SPATA21: variants seen among roughly 807,000 people sequenced by gnomAD.
The protein encoded by SPATA21 is spermatogenesis associated 21, also known as spermatogenesis-associated protein 21.
In SPATA21, 47 loss-of-function variants were observed where a neutral mutation model predicts 54.8. That is an observed-to-expected ratio of 0.86 (90% CI 0.68 to 1.09). SPATA21 has a LOEUF of 1.09. SPATA21 is among the 50% of genes least tolerant of loss of function. SPATA21 has a pLI of 0.00. For synonymous variants in SPATA21, 245 were observed against 235.3 expected (o/e 1.04, Z -0.38); for missense variants, 599 against 596.4 (o/e 1.00, Z -0.05).
At chr1:16,430,315 T>C (rs532687743) in intron 3 of SPATA21, among the ~76,000 whole-genome samples, 1 of 150,362 alleles carries the variant, frequency 6.7e-6, no homozygotes, top group African/African-American at 2.4e-5. Context: ...CGCCTATAGT[T>C]CCAGCTACTC....
chr1:16,421,245 GGATGAACCCAAGGGCTCCA>G lies in SPATA21; in HGVS notation c.144+245_144+263del, dbSNP rs1383924661. ...CTGATGTGGAACAAGCCACCACCTGGGATGAACCCAAGGGCTCCAGAGTGTAAGAGCATTCTTGATGCCC... is the reference window on the plus strand; with the variant it reads ...CTGATGTGGAACAAGCCACCACCTGGGAGTGTAAGAGCATTCTTGATGCCC... On this transcript the variant is annotated intron_variant, in intron 5 of 12. Transcript: ENST00000335496. The surrounding 1 kb of genome is among the most constrained non-coding windows in gnomAD (Gnocchi z 5.2). 1.3e-5 allele frequency among the ~76,000 whole-genome samples: 2 copies of G among 152,010 alleles called. No individual in the cohort carries two copies. Among genetic ancestry groups the G allele is most frequent in the Non-Finnish European group, 2.9e-5 (2 of 67,996 alleles).
intron 5 of SPATA21, among the ~76,000 whole-genome samples, chr1:16,416,768 CCT>C (rs1381360940): frequency 1.3e-5 from 2 of 152,084 alleles, no homozygotes; most frequent in Admixed American, 6.6e-5. Context: ...GTTCCACTCC[CCT>C]GAGCCCCAGA....
chr1:16,409,586 A>G lies in SPATA21; in HGVS notation c.587+15T>C. On this transcript the variant is annotated intron_variant, in intron 6 of 12. Coordinates refer to ENST00000335496, the MANE Select transcript of SPATA21 (RefSeq NM_198546.1). The surrounding 1 kb of genome is among the most constrained non-coding windows in gnomAD (Gnocchi z 4.1). ...GCCTTTCAGGAGCGGGCGGGTGAGC[A>G]GCGGGGGCTCCTACCGCGCCTTGGC... 1 of 1,603,816 alleles carries G rather than the reference A, an allele frequency of 6.2e-7. No homozygotes were observed. Among genetic ancestry groups the G allele is most frequent in the Non-Finnish European group, 8.5e-7 (1 of 1,176,842 alleles).
intron 3 of SPATA21, chr1:16,425,627 G>A (rs1356166214): frequency 1.9e-6 from 3 of 1,550,116 alleles, no homozygotes; most frequent in African/African-American, 2.7e-5. Context: ...CAGCCCTTCA[G>A]GTACTTCAGG....
chr1:16,402,834 G>T (rs2085497816), intron 10 of SPATA21, among the ~76,000 whole-genome samples: 1 of 152,208 alleles, frequency 6.6e-6, no homozygotes, highest in African/African-American at 2.4e-5. Flanking sequence ...ACTGAGGTGG[G>T]AGGATTGATT....
In SPATA21 at chr1:16,432,404, G is replaced by A. The variant is rs539551579; in HGVS notation, c.-52+386C>T. Among the ~76,000 whole-genome samples, 7 of 152,134 alleles carry A rather than the reference G, an allele frequency of 4.6e-5. No homozygotes were observed. In the South Asian group the frequency reaches 1.2e-3, roughly 27 times the overall value. ...CCCAAAGTGTTGGGATTACAGGTGT[G>A]AGCCACTGCACCTGGCCATTTCTGA... On this transcript the variant is annotated intron_variant, in intron 2 of 12. Coordinates refer to ENST00000335496, the MANE Select transcript of SPATA21 (RefSeq NM_198546.1).
chr1:16,409,449 G>A lies in SPATA21; in HGVS notation c.587+152C>T, dbSNP rs887652569. The A allele has an allele frequency of 5.5e-6, 5 of 904,514 alleles. No individual in the cohort carries two copies. Among genetic ancestry groups the A allele is most frequent in the East Asian group, 5.3e-5 (2 of 37,978 alleles). 56.0% of individuals were successfully genotyped at this position (904,514 alleles called of 1,614,324 possible). On this transcript the variant is annotated intron_variant, in intron 6 of 12. Coordinates refer to ENST00000335496, the MANE Select transcript of SPATA21 (RefSeq NM_198546.1). This position sits in a 1 kb window ranked among gnomAD's most constrained non-coding sequence, Gnocchi z 4.1. ...GAAGTGGGAGAGGAGGCAGAGACATGGGAGATGCGGAGAGGAGACACATGA... is the reference window on the plus strand; with the variant it reads ...GAAGTGGGAGAGGAGGCAGAGACATAGGAGATGCGGAGAGGAGACACATGA...
intron 3 of SPATA21, among the ~76,000 whole-genome samples, chr1:16,426,585 T>A (rs1055078547): frequency 0.035 from 3,353 of 95,214 alleles, 73 homozygotes; most frequent in African/African-American, 0.069. Flanking sequence ...ATATATTTTT[T>A]TTTTTTTTTT....
At chr1:16,414,128 C>A (rs922299256) in intron 5 of SPATA21, among the ~76,000 whole-genome samples, 11 of 151,742 alleles carry the variant, frequency 7.2e-5, no homozygotes, top group African/African-American at 2.7e-4. Flanking sequence ...TGCAGTGGTG[C>A]AATCTTGGCT....
Position 16,403,768 on chromosome 1 carries a change from C to T in SPATA21, c.960G>A (p.Glu320=). ...LLFEILSLLV[E]MLALPEAVLE... ...AGACTGCCTCTGGTAAGGCCAGCAT[C>T]TCTACCAGCAGGGACAGGATCTCAA... Residue 320 remains glutamate (E), a synonymous_variant, in exon 10 of 13, where the codon GAG becomes GAA. Transcript: ENST00000335496. 1 of 1,614,056 alleles carries T rather than the reference C, an allele frequency of 6.2e-7. No homozygotes were observed. The highest frequency in any genetic ancestry group is 1.1e-5 in the South Asian group (1 of 91,058).
At position 16,428,066 on chromosome 1, in the gene SPATA21, G is replaced by C; in HGVS notation, c.34+3272C>G. The C allele has an allele frequency of 6.6e-7, 1 of 1,516,804 alleles. No homozygotes were observed. Among genetic ancestry groups the C allele is most frequent in the Non-Finnish European group, 8.9e-7 (1 of 1,122,684 alleles). 94.0% of individuals were successfully genotyped at this position (1,516,804 alleles called of 1,614,324 possible). ...GCTTGAGGGCTGGCATTGAGTACCCGTTCTGGAGTGATCCCTCCCACTCCT... is the reference window on the plus strand; with the variant it reads ...GCTTGAGGGCTGGCATTGAGTACCCCTTCTGGAGTGATCCCTCCCACTCCT... On this transcript the variant is annotated intron_variant, in intron 3 of 12. Coordinates refer to ENST00000335496, the MANE Select transcript of SPATA21 (RefSeq NM_198546.1). This position sits in a 1 kb window ranked among gnomAD's most constrained non-coding sequence, Gnocchi z 4.3.
chr1:16,424,117 G>A (rs1264862229), intron 3 of SPATA21, among the ~76,000 whole-genome samples: 1 of 150,458 alleles, frequency 6.6e-6, no homozygotes, highest in Non-Finnish European at 1.5e-5. Context: ...GTATGTGCAA[G>A]TGAATGCCAA....
At chr1:16,413,160 AT>A (rs1044504541) in intron 5 of SPATA21, among the ~76,000 whole-genome samples, 3 of 149,142 alleles carry the variant, frequency 2.0e-5, no homozygotes, top group African/African-American at 7.4e-5. Context: ...GAAACTCCAT[AT>A]CCATTAAATA....
At chr1:16,422,033 G>C in intron 3 of SPATA21, 62 bp from the exon 4 acceptor site, 2 of 1,613,388 alleles carry the variant, frequency 1.2e-6, no homozygotes, top group South Asian at 2.2e-5. Context: ...GTCCCCCTGG[G>C]CTGGGCTCTG....
chr1:16,410,811 G>A, intron 5 of SPATA21: 1 of 405,002 alleles, frequency 2.5e-6, no homozygotes, highest in Non-Finnish European at 5.0e-6. Flanking sequence ...CTCCCAAAGT[G>A]CTGGGATGAC....
chr1:16,416,190 G>C (rs1455294297), intron 5 of SPATA21, among the ~76,000 whole-genome samples: 1 of 152,224 alleles, frequency 6.6e-6, no homozygotes, highest in Non-Finnish European at 1.5e-5. Context: ...CTAGTGCCCA[G>C]CCTCGGGGTG....
chr1:16,420,941 G>A (rs891141157), intron 5 of SPATA21, among the ~76,000 whole-genome samples: 4 of 152,152 alleles, frequency 2.6e-5, no homozygotes, highest in Admixed American at 6.6e-5. Context: ...TTCTCCAACC[G>A]CATTAAGCTG....
chr1:16,399,737 C>T (rs1268864471), intron 11 of SPATA21, among the ~76,000 whole-genome samples: 1 of 152,198 alleles, frequency 6.6e-6, no homozygotes, highest in Non-Finnish European at 1.5e-5. Flanking sequence ...ATGCAAAGCA[C>T]TCAGCTCAGT....
At chr1:16,431,226 G>A (rs2086449117) in intron 3 of SPATA21, 112 bp downstream of exon 3, 1 of 1,599,454 alleles carries the variant, frequency 6.3e-7, no homozygotes. Context: ...ATCAGAACAT[G>A]GGGTGCAGGT....
Sources: gnomAD v4.1 joint callset for allele counts (sites outside exome capture counted in the v4.1 genomes callset) on GRCh38, gnomAD v4.1.1 for gene constraint, Gnocchi (gnomAD v3.1) non-coding constraint, MANE v1.5 for transcripts, NCBI Gene and HGNC (gene_info 2026-07-23, HGNC 2026-07-21) for gene names.